Variants in ITPR2 observed in about 807,000 individuals in gnomAD.
ITPR2 encodes the protein inositol 1,4,5-trisphosphate receptor type 2, also known as inositol 1,4,5-trisphosphate-gated calcium channel ITPR2.
A neutral mutation model predicts 317.1 loss-of-function variants in ITPR2; 207 were observed. That is an observed-to-expected ratio of 0.65 (90% confidence interval 0.58 to 0.73). The LOEUF (loss-of-function observed/expected upper bound fraction) is 0.73, where lower values mean the gene tolerates loss of function less well. Among genes scored for constraint, ITPR2 ranks in the 30% least tolerant of loss-of-function variants. ITPR2 has a pLI of 0.00. For missense variants in ITPR2, 2,613 were observed against 3,284.0 expected, an observed-to-expected ratio of 0.80 and a Z score of 4.99; for synonymous variants, 1,156 against 1,149.1, an observed-to-expected ratio of 1.01 and a Z score of -0.12.
intron 13 of ITPR2, among the ~76,000 whole-genome samples, chr12:26,666,890 G>C (rs896446876): frequency 6.6e-6 from 1 of 152,176 alleles, no homozygotes; most frequent in African/African-American, 2.4e-5. Flanking sequence ...TTAGTCGATT[G>C]AGGGAGGGGG....
intron 37 of ITPR2, among the ~76,000 whole-genome samples, chr12:26,525,916 C>T (rs1467854087): frequency 6.6e-6 from 1 of 152,126 alleles, no homozygotes; most frequent in Non-Finnish European, 1.5e-5. Context: ...AACCCTAAGC[C>T]CCAACCTCCA....
At chr12:26,651,580 G>C (rs1947255885) in intron 21 of ITPR2, among the ~76,000 whole-genome samples, 1 of 152,126 alleles carries the variant, frequency 6.6e-6, no homozygotes, top group African/African-American at 2.4e-5. Flanking sequence ...TCCATTTAGA[G>C]TACCATGTTA....
chr12:26,397,093 C>CAAA (rs375142278), intron 54 of ITPR2, among the ~76,000 whole-genome samples: 1 of 139,058 alleles, frequency 7.2e-6, no homozygotes, highest in African/African-American at 2.6e-5. Context: ...TGCTCTAAAG[C>CAAA]AAAAAAAAAA....
chr12:26,807,207 G>GATAT (rs35043487), intron 1 of ITPR2, among the ~76,000 whole-genome samples: 4 of 151,304 alleles, frequency 2.6e-5, no homozygotes, highest in Non-Finnish European at 5.9e-5. Flanking sequence ...CAAAAAAGAA[G>GATAT]ATATATATAT....
At chr12:26,602,162 T>G (rs1384599417) in intron 28 of ITPR2, among the ~76,000 whole-genome samples, 1 of 151,920 alleles carries the variant, frequency 6.6e-6, no homozygotes, top group Non-Finnish European at 1.5e-5. Flanking sequence ...CCTTGCTCTT[T>G]CCTGATATGG....
chr12:26,471,582 T>A (rs1422789036), intron 45 of ITPR2, among the ~76,000 whole-genome samples: 1 of 152,198 alleles, frequency 6.6e-6, no homozygotes, highest in Non-Finnish European at 1.5e-5. Context: ...TATTTGTTTC[T>A]TGTAACACCA....
intron 34 of ITPR2, among the ~76,000 whole-genome samples, chr12:26,564,234 A>T (rs1005096220): frequency 1.3e-5 from 2 of 152,240 alleles, no homozygotes; most frequent in African/African-American, 4.8e-5. Flanking sequence ...CTGTGAAATA[A>T]AGAGGGTAAA....
At chr12:26,371,172 A>C (rs746516709) in intron 55 of ITPR2, among the ~76,000 whole-genome samples, 1 of 152,172 alleles carries the variant, frequency 6.6e-6, no homozygotes, top group African/African-American at 2.4e-5. Flanking sequence ...ATAAAAACTG[A>C]TATTTCAGTC....
chr12:26,669,631 G>T (rs535290018), intron 13 of ITPR2, among the ~76,000 whole-genome samples: 1 of 152,216 alleles, frequency 6.6e-6, no homozygotes, highest in Non-Finnish European at 1.5e-5. Flanking sequence ...GCAGAAGACC[G>T]GTGATTTCTG....
At chr12:26,604,291 T>G (rs149333573) in intron 26 of ITPR2, among the ~76,000 whole-genome samples, 1 of 152,330 alleles carries the variant, frequency 6.6e-6, no homozygotes, top group East Asian at 1.9e-4. Context: ...AGGCTCCCAG[T>G]CTCAACTTCA....
intron 51 of ITPR2, among the ~76,000 whole-genome samples, chr12:26,413,496 CTT>C (rs1233598627): frequency 6.6e-6 from 1 of 152,178 alleles, no homozygotes; most frequent in Non-Finnish European, 1.5e-5. Flanking sequence ...AAAGAATAAA[CTT>C]AGCACTATGT....
chr12:26,386,913 T>G (rs1237754803), intron 55 of ITPR2, among the ~76,000 whole-genome samples: 1 of 152,118 alleles, frequency 6.6e-6, no homozygotes, highest in Non-Finnish European at 1.5e-5. Context: ...GCAGGATCAG[T>G]GCAAATTCAT....
intron 55 of ITPR2, among the ~76,000 whole-genome samples, chr12:26,357,725 G>A (rs1414593123): frequency 6.6e-6 from 1 of 152,156 alleles, no homozygotes; most frequent in African/African-American, 2.4e-5. Context: ...TGAGTGGGCA[G>A]TGCCAAAATT....
At position 26,411,316 on chromosome 12, in the gene ITPR2, A is replaced by G; in HGVS notation, c.7399+4T>C. The stretch of plus-strand genomic sequence containing the variant: ...CATACTGACCCAGAGTCCTTTCTAC[A>G]AACCTGTATTTGAAGCTGGAATTGT... On this transcript the variant is annotated splice_donor_region_variant and intron_variant, in intron 52 of 56. Coordinates refer to ENST00000381340, the MANE Select transcript of ITPR2 (RefSeq NM_002223.4). The G allele has an allele frequency of 1.2e-6, 2 of 1,608,054 alleles. No homozygotes were observed. Among genetic ancestry groups the G allele is most frequent in the Non-Finnish European group, 1.7e-6 (2 of 1,174,688 alleles).
intron 9 of ITPR2, among the ~76,000 whole-genome samples, chr12:26,702,531 T>TG: frequency 6.6e-6 from 1 of 151,340 alleles, no homozygotes; most frequent in Middle Eastern, 3.4e-3. Flanking sequence ...CTCCACCTCC[T>TG]GGGTTCAAGT....
chr12:26,454,152 T>C (rs1219522660), intron 45 of ITPR2, among the ~76,000 whole-genome samples: 2 of 152,236 alleles, frequency 1.3e-5, no homozygotes, highest in Non-Finnish European at 2.9e-5. Flanking sequence ...TAGAAAATGA[T>C]GAATTACAAT....
intron 2 of ITPR2, among the ~76,000 whole-genome samples, chr12:26,751,404 G>A (rs1949414140): frequency 6.6e-6 from 1 of 151,976 alleles, no homozygotes; most frequent in African/African-American, 2.4e-5. Context: ...CAGTTACTGT[G>A]GCATAAACAG....
intron 48 of ITPR2, among the ~76,000 whole-genome samples, chr12:26,429,623 T>G (rs1463069542): frequency 6.6e-6 from 1 of 152,182 alleles, no homozygotes; most frequent in Non-Finnish European, 1.5e-5. Flanking sequence ...GGATGTACAA[T>G]CTAAAAGGAT....
At chr12:26,675,203 A>G (rs1374250356) in intron 13 of ITPR2, among the ~76,000 whole-genome samples, 2 of 152,152 alleles carry the variant, frequency 1.3e-5, no homozygotes, top group Non-Finnish European at 2.9e-5. Flanking sequence ...CTGGGTATAT[A>G]CCCAAAGGAC....
Sources: allele counts gnomAD v4.1 joint callset (sites outside exome capture counted in the v4.1 genomes callset), GRCh38; gene constraint gnomAD v4.1.1; transcripts MANE v1.5; gene names NCBI Gene and HGNC (gene_info 2026-07-23, HGNC 2026-07-21).